ARID4B: variants seen among roughly 807,000 people sequenced by gnomAD.
The protein encoded by ARID4B is AT-rich interactive domain-containing protein 4B.
A neutral mutation model predicts 147.5 loss-of-function variants in ARID4B; 26 were observed. The ratio of observed to expected loss-of-function variants is 0.18; its 90% CI spans 0.13 to 0.24. The LOEUF is 0.24. ARID4B is among the 10% of genes least tolerant of loss of function. The pLI is 1.00. For missense variants in ARID4B, 1,179 were observed against 1,511.5 expected, an observed-to-expected ratio of 0.78 and a Z score of 3.65; for synonymous variants, 512 against 507.9, an observed-to-expected ratio of 1.01 and a Z score of -0.11.
At chr1:235,284,505 A>G (rs184540029) in intron 2 of ARID4B, among the ~76,000 whole-genome samples, 4 of 152,206 alleles carry the variant, frequency 2.6e-5, no homozygotes, top group East Asian at 3.9e-4. Context: ...CTTTAAAACC[A>G]TAATGTGATT....
intron 2 of ARID4B, among the ~76,000 whole-genome samples, chr1:235,324,891 TAGTG>T (rs1675112726): frequency 6.6e-6 from 1 of 152,012 alleles, no homozygotes; most frequent in African/African-American, 2.4e-5. Flanking sequence ...CAGGGTGAAA[TAGTG>T]AGACTCTATA....
At chr1:235,249,790 A>C (rs1316682314) in intron 6 of ARID4B, among the ~76,000 whole-genome samples, 1 of 150,106 alleles carries the variant, frequency 6.7e-6, no homozygotes, top group Non-Finnish European at 1.5e-5. Flanking sequence ...AAATACAAAA[A>C]TTAGCTGGGC....
intron 8 of ARID4B, among the ~76,000 whole-genome samples, chr1:235,239,105 G>A (rs1422215034): frequency 6.6e-6 from 1 of 151,768 alleles, no homozygotes. Context: ...GCCTAGCTGG[G>A]ATTACAGGCA....
At chr1:235,201,364 G>A (rs994563267) in intron 17 of ARID4B, among the ~76,000 whole-genome samples, 23 of 150,188 alleles carry the variant, frequency 1.5e-4, no homozygotes, top group Admixed American at 4.0e-4. Context: ...CAGAGTCTCT[G>A]TTGCTCAGAC....
At chr1:235,169,944 G>A (rs1663223410) in intron 23 of ARID4B, among the ~76,000 whole-genome samples, 1 of 152,182 alleles carries the variant, frequency 6.6e-6, no homozygotes, top group South Asian at 2.1e-4. Context: ...TTACAGGCGT[G>A]AGCAATTGCG....
chr1:235,299,544 C>T (rs1389474182), intron 2 of ARID4B, among the ~76,000 whole-genome samples: 5 of 152,186 alleles, frequency 3.3e-5, no homozygotes, highest in Non-Finnish European at 7.3e-5. Flanking sequence ...AAATAATAAA[C>T]GCTCAGAGTT....
At position 235,181,739 on chromosome 1, in the gene ARID4B, A is replaced by C. The variant is rs767676824; in HGVS notation, c.3180T>G (p.Ser1060Arg). Residue 1060 changes from serine to arginine, a missense_variant, in exon 20 of 24, where the codon AGT (serine) becomes AGG (arginine). Physicochemically the swap from Ser to Arg is moderately radical, Grantham distance 110. Coordinates refer to ENST00000264183, the MANE Select transcript of ARID4B (RefSeq NM_016374.6). ...TTGTGCTATCAGTTTCACTCTTGAT[A>C]CTTCGAACCTCTTCTTGGTTTGGAG... ...PLAPNQEEVR[S>R]IKSETDSTIE... is the part of the protein sequence containing the mutation. 6.2e-7 allele frequency: 1 copy of C among 1,614,126 alleles called. No homozygotes were observed. Among genetic ancestry groups the C allele is most frequent in the South Asian group, 1.1e-5 (1 of 91,078 alleles).
intron 2 of ARID4B, among the ~76,000 whole-genome samples, chr1:235,296,846 G>GGAGGAAGGGAGAGAAAGAGGGAGGA (rs1553313981): frequency 7.2e-6 from 1 of 139,512 alleles, no homozygotes; most frequent in East Asian, 2.1e-4. Context: ...AGGGAGGAAG[G>GGAGGAAGGGAGAGAAAGAGGGAGGA]AGGGAGGGAA....
chr1:235,277,077 C>T (rs566918298), intron 2 of ARID4B, among the ~76,000 whole-genome samples: 1 of 151,648 alleles, frequency 6.6e-6, no homozygotes, highest in East Asian at 1.9e-4. Flanking sequence ...GAAGACATGG[C>T]TCTATAAAAA....
intron 17 of ARID4B, among the ~76,000 whole-genome samples, chr1:235,212,684 A>G (rs1666786822): frequency 6.6e-6 from 1 of 152,218 alleles, no homozygotes; most frequent in African/African-American, 2.4e-5. Context: ...GTACATTTAT[A>G]TGTATGTGAA....
At chr1:235,302,153 G>GGAA (rs1673196359) in intron 2 of ARID4B, among the ~76,000 whole-genome samples, 2 of 30,666 alleles carry the variant, frequency 6.5e-5, no homozygotes, top group Non-Finnish European at 1.1e-4. Flanking sequence ...TCAAAAAACG[G>GGAA]AAAAAAAAAA....
At chr1:235,301,038 CTT>C (rs780839339) in intron 2 of ARID4B, among the ~76,000 whole-genome samples, 11 of 112,268 alleles carry the variant, frequency 9.8e-5, no homozygotes, top group African/African-American at 2.2e-4. Context: ...TTTAAGTATT[CTT>C]TTTTTTTTTT....
chr1:235,296,791 GAGGA>G (rs761841322), intron 2 of ARID4B, among the ~76,000 whole-genome samples: 4 of 57,106 alleles, frequency 7.0e-5, no homozygotes, highest in East Asian at 4.6e-4. Flanking sequence ...AAAAAAAAAG[GAGGA>G]AGGAAGGAAG....
chr1:235,276,961 T>C (rs150915812), intron 2 of ARID4B, among the ~76,000 whole-genome samples: 1 of 139,940 alleles, frequency 7.1e-6, no homozygotes, highest in Non-Finnish European at 1.5e-5. Flanking sequence ...GATTGTGCAC[T>C]GCAATCAAGC....
At chr1:235,231,670 T>C (rs1002308962) in intron 9 of ARID4B, among the ~76,000 whole-genome samples, 36 of 152,188 alleles carry the variant, frequency 2.4e-4, no homozygotes, top group African/African-American at 8.4e-4. Flanking sequence ...GTATTTTTAG[T>C]AGAGACAGGG....
intron 6 of ARID4B, among the ~76,000 whole-genome samples, chr1:235,251,447 G>A (rs1191459945): frequency 6.6e-6 from 1 of 151,978 alleles, no homozygotes; most frequent in Non-Finnish European, 1.5e-5. Flanking sequence ...TTGAATATGA[G>A]ACTAAAGGGA....
chr1:235,264,849 A>G (rs993257399), intron 2 of ARID4B, among the ~76,000 whole-genome samples: 1 of 151,592 alleles, frequency 6.6e-6, no homozygotes, highest in Admixed American at 6.6e-5. Flanking sequence ...CCTGAAGGTC[A>G]GGAGTTCGAG....
At chr1:235,186,188 T>C (rs1250457977) in intron 19 of ARID4B, among the ~76,000 whole-genome samples, 2 of 152,026 alleles carry the variant, frequency 1.3e-5, no homozygotes, top group Non-Finnish European at 1.5e-5. Context: ...AGGATGGTCT[T>C]GATTTCCTGA....
chr1:235,200,740 TAA>T (rs1453674886), intron 17 of ARID4B, among the ~76,000 whole-genome samples: 4 of 152,138 alleles, frequency 2.6e-5, no homozygotes, highest in African/African-American at 9.7e-5. Context: ...TAGTATATAT[TAA>T]AAAGAGACAA....
Sources: gnomAD v4.1 joint callset for allele counts (sites outside exome capture counted in the v4.1 genomes callset) on GRCh38, gnomAD v4.1.1 for gene constraint, MANE v1.5 for transcripts, NCBI Gene and HGNC (gene_info 2026-07-23, HGNC 2026-07-21) for gene names.